Variants in FRMD8 observed in about 807,000 individuals in gnomAD.
FRMD8 encodes FERM domain containing 8, also known as FERM domain-containing protein 8.
A neutral mutation model predicts 54.2 loss-of-function variants in FRMD8; 37 were observed. The ratio of observed to expected loss-of-function variants is 0.68; its 90% CI spans 0.53 to 0.90. The LOEUF is 0.90. FRMD8 is among the 40% of genes least tolerant of loss of function. FRMD8 has a pLI of 0.00. For synonymous variants in FRMD8, 246 were observed against 286.9 expected, an observed-to-expected ratio of 0.86 and a Z score of 1.44; for missense variants, 585 against 653.7, an observed-to-expected ratio of 0.89 and a Z score of 1.15.
chr11:65,378,672 A>T, the FRMD8 span: 1 of 152,246 alleles, frequency 6.6e-6, no homozygotes, highest in Non-Finnish European at 1.5e-5. Flanking sequence ...AAGTGTGACA[A>T]GGAACTGGGG....
At position 65,404,772 on chromosome 11, in the gene FRMD8, T is replaced by C. The variant is rs529434921; in HGVS notation, c.1072-92T>C. The C allele has an allele frequency of 4.2e-5, 47 of 1,116,976 alleles. No homozygotes were observed. In the South Asian group the frequency reaches 6.4e-4, roughly 15 times the overall value. The allele number at this position is 1,116,976 out of a possible 1,614,324, so 69.2% of individuals were successfully genotyped here. ...GAGTGATGTGTGTCCCCTCCCCTGC[T>C]TCCCCAACCAGAGAGCAGAGCTCAT... On this transcript the variant is annotated intron_variant, in intron 9 of 10. Coordinates refer to ENST00000317568, the MANE Select transcript of FRMD8 (RefSeq NM_031904.5). This position sits in a 1 kb window ranked among gnomAD's most constrained non-coding sequence, Gnocchi z 4.7.
chr11:65,376,857 C>G, the FRMD8 span: 1 of 1,614,234 alleles, frequency 6.2e-7, no homozygotes, highest in Non-Finnish European at 8.5e-7. Flanking sequence ...CGACAGAGCC[C>G]TTCATAGGTG....
At chr11:65,398,342 G>A (rs555432304) in intron 7 of FRMD8, among the ~76,000 whole-genome samples, 9 of 152,200 alleles carry the variant, frequency 5.9e-5, no homozygotes, top group East Asian at 1.9e-4. Context: ...CTTGTTAGAC[G>A]CCCCACTGGC....
intron 7 of FRMD8, among the ~76,000 whole-genome samples, chr11:65,397,745 T>C (rs947841128): frequency 2.6e-5 from 4 of 152,180 alleles, no homozygotes; most frequent in African/African-American, 9.7e-5. Context: ...AGGGTCTTGC[T>C]CTGTCACTCA....
chr11:65,370,803 G>GC, the FRMD8 span, among the ~76,000 whole-genome samples: 7 of 152,088 alleles, frequency 4.6e-5, no homozygotes, highest in Non-Finnish European at 8.8e-5. Flanking sequence ...AGTAGCTCAT[G>GC]CCTGTAACCC....
intron 10 of FRMD8, among the ~76,000 whole-genome samples, chr11:65,406,096 C>T (rs942103512): frequency 2.7e-5 from 4 of 150,478 alleles, no homozygotes; most frequent in East Asian, 1.9e-4. Flanking sequence ...GGCATGATCT[C>T]GGCTCACTGC....
chr11:65,387,291 T>C, intron 2 of FRMD8, 170 bp downstream of exon 2: 2 of 720,584 alleles, frequency 2.8e-6, no homozygotes, highest in East Asian at 2.7e-5. Context: ...CTGTCACTAG[T>C]TTACTGGCCA....
chr11:65,400,810 C>G lies in FRMD8; in HGVS notation c.1014C>G (p.Phe338Leu), dbSNP rs2073801. 6.2e-7 allele frequency: 1 copy of G among 1,612,462 alleles called. No homozygotes were observed. The highest frequency in any genetic ancestry group is 2.2e-5 in the East Asian group (1 of 44,822). ...EEEEPILWLE[F>L]DGDSEGTPVN... ...AGGAGCCCATCTTGTGGCTGGAGTT[C>G]GACGGGGACAGCGAGGGCACACCTG... The change falls in exon 9 of 11, where the codon TTC (phenylalanine) becomes TTG (leucine). Residue 338 changes from phenylalanine (F) to leucine (L), a missense_variant. By Grantham distance (22) the Phe-to-Leu change is conservative (BLOSUM62 0). Transcript: ENST00000317568. The surrounding 1 kb of genome is among the most constrained non-coding windows in gnomAD (Gnocchi z 4.3).
In FRMD8 at chr11:65,396,891, C is replaced by G. The variant is rs375440872; in HGVS notation, c.674C>G (p.Pro225Arg). Residue 225 changes from proline to arginine, a missense_variant, in exon 7 of 11, where the codon CCG becomes CGG. Transcript: ENST00000317568. Reference sequence around the variant, plus strand: ...CGGGGCCGTGGGGCCAGGGCCGGGCCGGGCGAGCAGGGCCTGCTGAACGCC... The same window carrying G: ...CGGGGCCGTGGGGCCAGGGCCGGGCGGGGCGAGCAGGGCCTGCTGAACGCC... ...ALRGRGARAG[P>R]GEQGLLNAYR... is the part of the protein sequence containing the mutation. The G allele has an allele frequency of 1.9e-6, 3 of 1,557,612 alleles. No individual in the cohort carries two copies. The African/African-American group carries it at 4.1e-5, about 21-fold the overall frequency.
the FRMD8 span, chr11:65,376,535 C>T: frequency 6.2e-7 from 1 of 1,614,206 alleles, no homozygotes; most frequent in Non-Finnish European, 8.5e-7. Context: ...ATGCTGCTCA[C>T]CATGCAGTCC....
At chr11:65,393,780 G>A in intron 4 of FRMD8, 106 bp downstream of exon 4, 1 of 987,602 alleles carries the variant, frequency 1.0e-6, no homozygotes, top group Non-Finnish European at 1.5e-6. Context: ...CCTGGCTGAG[G>A]GGCAGGGCCT....
At position 65,404,806 on chromosome 11, in the gene FRMD8, C is replaced by A; in HGVS notation, c.1072-58C>A. 6.9e-7 allele frequency: 1 copy of A among 1,442,022 alleles called. No individual in the cohort carries two copies. Among genetic ancestry groups the A allele is most frequent in the Non-Finnish European group, 9.6e-7 (1 of 1,036,318 alleles). 89.3% of individuals were successfully genotyped at this position (1,442,022 alleles called of 1,614,324 possible). On this transcript the variant is annotated intron_variant, in intron 9 of 10. Transcript: ENST00000317568. The surrounding 1 kb of genome is among the most constrained non-coding windows in gnomAD (Gnocchi z 4.7). ...CAGAGAGCAGAGCTCATTTCAGGCT[C>A]AGCAACAGGCATGGAAGGGGGCCCT...
At chr11:65,379,384 ACCC>A in the FRMD8 span, 2 of 1,608,624 alleles carry the variant, frequency 1.2e-6, no homozygotes, top group South Asian at 1.1e-5. Flanking sequence ...ACCTGCAGGA[ACCC>A]CCCGGTGCAG....
At chr11:65,380,032 G>T in the FRMD8 span, 1 of 1,586,732 alleles carries the variant, frequency 6.3e-7, no homozygotes, top group Non-Finnish European at 8.7e-7. Context: ...ACCAGCAGGA[G>T]AGGCAGGAAA....
chr11:65,406,893 T>G (rs1856210909), intron 10 of FRMD8, among the ~76,000 whole-genome samples: 1 of 151,588 alleles, frequency 6.6e-6, no homozygotes, highest in South Asian at 2.1e-4. Flanking sequence ...TGAGCCAAAA[T>G]CACGCCACTG....
At chr11:65,394,509 C>T (rs746867983) in intron 6 of FRMD8, 84 bp downstream of exon 6, 35 of 1,472,504 alleles carry the variant, frequency 2.4e-5, no homozygotes, top group South Asian at 5.2e-5. Flanking sequence ...TCTTCAGTCT[C>T]GCAAGGTGGG....
chr11:65,402,679 C>T (rs141753704), intron 9 of FRMD8, among the ~76,000 whole-genome samples: 4 of 152,256 alleles, frequency 2.6e-5, no homozygotes, highest in South Asian at 2.1e-4. Flanking sequence ...TTGATTACTT[C>T]GGAGGTCATT....
At chr11:65,373,632 G>GA in the FRMD8 span, among the ~76,000 whole-genome samples, 1 of 152,010 alleles carries the variant, frequency 6.6e-6, no homozygotes, top group South Asian at 2.1e-4. Flanking sequence ...CATCACCCAC[G>GA]CTGGAGTACA....
chr11:65,409,925 A>G (rs1856291783), intron 10 of FRMD8, among the ~76,000 whole-genome samples: 1 of 151,944 alleles, frequency 6.6e-6, no homozygotes, highest in Admixed American at 6.6e-5. Flanking sequence ...CACAAACTAA[A>G]AAAACCTTAG....
Sources: gnomAD v4.1 joint callset for allele counts (sites outside exome capture counted in the v4.1 genomes callset) on GRCh38, gnomAD v4.1.1 for gene constraint, Gnocchi (gnomAD v3.1) non-coding constraint, MANE v1.5 for transcripts, NCBI Gene and HGNC (gene_info 2026-07-23, HGNC 2026-07-21) for gene names.